The following GPR158 variants were observed in gnomAD, a reference collection of about 807,000 sequenced individuals.
GPR158 encodes the protein metabotropic glycine receptor.
In GPR158, 30 loss-of-function variants were observed where a neutral mutation model predicts 78.2. The ratio of observed to expected loss-of-function variants is 0.38; its 90% CI spans 0.29 to 0.52. The LOEUF (loss-of-function observed/expected upper bound fraction) is 0.52, where lower values mean the gene tolerates loss of function less well. Ranked by LOEUF, GPR158 falls within the 20% of genes least tolerant of loss-of-function variation. GPR158 has a pLI of 0.83. For missense variants in GPR158, 1,463 were observed against 1,523.5 expected (o/e 0.96, Z 0.66); for synonymous variants, 581 against 591.1 (o/e 0.98, Z 0.25).
chr10:25,191,914 A>T (rs184708008), intron 1 of GPR158, among the ~76,000 whole-genome samples: 52 of 152,248 alleles, frequency 3.4e-4, no homozygotes, highest in Admixed American at 1.7e-3. Flanking sequence ...CATAAGAGCA[A>T]CCTGCCTCCT....
At chr10:25,596,233 C>T (rs989004018) in intron 9 of GPR158, among the ~76,000 whole-genome samples, 1 of 152,006 alleles carries the variant, frequency 6.6e-6, no homozygotes, top group Non-Finnish European at 1.5e-5. Context: ...TAACCAGTGG[C>T]GTATGATATT....
chr10:25,513,595 G>C (rs1305440194), intron 5 of GPR158, among the ~76,000 whole-genome samples: 1 of 151,028 alleles, frequency 6.6e-6, no homozygotes, highest in East Asian at 1.9e-4. Context: ...CTTCAGTTCT[G>C]TGAGGTGTGA....
rs572944220 is a variant in GPR158, at chr10:25,405,403, G to GCCC, written c.1112-6846_1112-6844dup. Among the ~76,000 whole-genome samples the GCCC allele has an allele frequency of 3.9e-4, 57 of 147,794 alleles. 1 individual carries two copies. The East Asian group carries it at 7.0e-3, about 18-fold the overall frequency. ...AAAAGAAATAAATGGCTGATCCTAA[G>GCCC]CCCAACTGTTTAGAATGTTTCATAA... On this transcript the variant is annotated intron_variant, in intron 3 of 10. Transcript: ENST00000376351.
At chr10:25,330,250 T>G (rs1302148195) in intron 2 of GPR158, among the ~76,000 whole-genome samples, 1 of 152,208 alleles carries the variant, frequency 6.6e-6, no homozygotes, top group East Asian at 1.9e-4. Context: ...ATCCTTTTAT[T>G]TCTCTTTTCT....
rs957895912 is a variant in GPR158 at position 25,241,699 on chromosome 10, G to A, written c.1008+20542G>A. Among the ~76,000 whole-genome samples, 3 of 152,180 alleles carry A rather than the reference G, an allele frequency of 2.0e-5. No homozygotes were observed. In the South Asian group the frequency reaches 6.2e-4, roughly 32 times the overall value. ...GGCCTCCCAAAGTGCTGGGATTACAGGTGTGAGCCACCGTGCCTGGCCCTT... is the reference window on the plus strand; with the variant it reads ...GGCCTCCCAAAGTGCTGGGATTACAAGTGTGAGCCACCGTGCCTGGCCCTT... On this transcript the variant is annotated intron_variant, in intron 2 of 10. Coordinates refer to ENST00000376351, the MANE Select transcript of GPR158 (RefSeq NM_020752.3).
intron 4 of GPR158, among the ~76,000 whole-genome samples, chr10:25,426,359 T>C (rs1004456575): frequency 5.9e-5 from 9 of 152,264 alleles, no homozygotes; most frequent in South Asian, 2.1e-4. Context: ...CCTTTGCATA[T>C]ACTACTTAAT....
intron 2 of GPR158, among the ~76,000 whole-genome samples, chr10:25,256,692 A>G (rs960416604): frequency 6.6e-6 from 1 of 152,098 alleles, no homozygotes; most frequent in African/African-American, 2.4e-5. Flanking sequence ...TCACAACAAT[A>G]AAAATAAAAT....
At chr10:25,577,604 G>T (rs1837120580) in intron 7 of GPR158, among the ~76,000 whole-genome samples, 2 of 152,112 alleles carry the variant, frequency 1.3e-5, no homozygotes, top group Admixed American at 1.3e-4. Context: ...GAAAGACCGG[G>T]CTCATTCTAT....
chr10:25,333,852 T>C (rs1855161435), intron 2 of GPR158, among the ~76,000 whole-genome samples: 1 of 152,072 alleles, frequency 6.6e-6, no homozygotes, highest in African/African-American at 2.4e-5. Context: ...AGAAAATGAC[T>C]GGGCAGAGCT....
At chr10:25,562,511 T>G (rs1271536567) in intron 6 of GPR158, among the ~76,000 whole-genome samples, 1 of 152,224 alleles carries the variant, frequency 6.6e-6, no homozygotes, top group Non-Finnish European at 1.5e-5. Context: ...TATCTTCTGT[T>G]TTCTCTTTGG....
chr10:25,341,075 G>A (rs1408163849), intron 2 of GPR158, among the ~76,000 whole-genome samples: 1 of 151,942 alleles, frequency 6.6e-6, no homozygotes, highest in Non-Finnish European at 1.5e-5. Context: ...AATGCCAAAA[G>A]AAAATAAGTG....
At chr10:25,541,249 G>A (rs991441619) in intron 5 of GPR158, among the ~76,000 whole-genome samples, 3 of 151,942 alleles carry the variant, frequency 2.0e-5, no homozygotes, top group African/African-American at 7.3e-5. Flanking sequence ...AATGCTCACT[G>A]TGTATTTTTG....
intron 5 of GPR158, among the ~76,000 whole-genome samples, chr10:25,540,270 G>T (rs1836560203): frequency 6.6e-6 from 1 of 152,148 alleles, no homozygotes; most frequent in Admixed American, 6.5e-5. Context: ...TTAGAATGGT[G>T]ATCATTAAAA....
intron 2 of GPR158, among the ~76,000 whole-genome samples, chr10:25,388,933 G>C (rs1392457405): frequency 6.6e-6 from 1 of 152,250 alleles, no homozygotes. Flanking sequence ...CTGACAGGGT[G>C]TGTGCTTGCT....
At chr10:25,361,061 A>G (rs977681159) in intron 2 of GPR158, among the ~76,000 whole-genome samples, 1 of 151,830 alleles carries the variant, frequency 6.6e-6, no homozygotes. Context: ...TTGAAACTCT[A>G]TACCCATTCA....
intron 2 of GPR158, among the ~76,000 whole-genome samples, chr10:25,386,772 G>T (rs1834227883): frequency 1.3e-5 from 2 of 151,864 alleles, no homozygotes; most frequent in South Asian, 4.1e-4. Context: ...ATTATTCATT[G>T]TTTTTATATA....
At chr10:25,253,116 G>A (rs941673273) in intron 2 of GPR158, among the ~76,000 whole-genome samples, 1 of 152,188 alleles carries the variant, frequency 6.6e-6, no homozygotes, top group Non-Finnish European at 1.5e-5. Flanking sequence ...CTCGGAAAGG[G>A]AACTCCCTGA....
intron 1 of GPR158, among the ~76,000 whole-genome samples, chr10:25,178,460 A>G (rs1852570525): frequency 6.6e-6 from 1 of 152,220 alleles, no homozygotes; most frequent in African/African-American, 2.4e-5. Flanking sequence ...TAGGTTGCCT[A>G]AATGAACTCA....
At chr10:25,298,006 A>C (rs1358568948) in intron 2 of GPR158, among the ~76,000 whole-genome samples, 1 of 152,218 alleles carries the variant, frequency 6.6e-6, no homozygotes, top group Non-Finnish European at 1.5e-5. Context: ...CTCAGGTCCC[A>C]TCTGTATAAA....
Sources: gnomAD v4.1 joint callset for allele counts (sites outside exome capture counted in the v4.1 genomes callset) on GRCh38, gnomAD v4.1.1 for gene constraint, MANE v1.5 for transcripts, NCBI Gene and HGNC (gene_info 2026-07-23, HGNC 2026-07-21) for gene names.